RIMKLB: variants seen among roughly 807,000 people sequenced by gnomAD.
RIMKLB encodes the protein ribosomal modification protein rimK like family member B.
Under a neutral mutation model 32.0 loss-of-function variants are expected in RIMKLB, and 7 were observed. That is an observed-to-expected ratio of 0.22 (90% CI 0.12 to 0.41). RIMKLB has a LOEUF of 0.41. Ranked by LOEUF, RIMKLB falls within the 10% of genes least tolerant of loss-of-function variation. The pLI, the probability that RIMKLB is intolerant of heterozygous loss-of-function variation, is 1.00. For synonymous variants in RIMKLB, 172 were observed against 185.1 expected (o/e 0.93, Z 0.57); for missense variants, 289 against 498.7 (o/e 0.58, Z 4.00).
At position 8,774,331 on chromosome 12, in the gene RIMKLB, T is replaced by C; in HGVS notation, c.*547T>C. The stretch of plus-strand genomic sequence containing the variant: ...GGCTCTTTTACTGGGATTTCTTATT[T>C]TTTTGTTTTTTCCCGCTTAATTTGG... On this transcript the variant is annotated 3_prime_UTR_variant, in exon 6 of 6. Transcript: ENST00000535829. 3 of 985,860 alleles carry C rather than the reference T, an allele frequency of 3.0e-6. No individual in the cohort carries two copies. Among genetic ancestry groups the C allele is most frequent in the Non-Finnish European group, 3.6e-6 (3 of 830,036 alleles). 61.1% of individuals were successfully genotyped at this position (985,860 alleles called of 1,614,324 possible).
intron 5 of RIMKLB, among the ~76,000 whole-genome samples, chr12:8,756,153 CA>C (rs1233371130): frequency 0.054 from 6,181 of 114,134 alleles, 331 homozygotes; most frequent in African/African-American, 0.17. Context: ...GACTCTGCCT[CA>C]AAAAAAAAAA....
chr12:8,758,722 A>AGG (rs1210054826), intron 5 of RIMKLB, among the ~76,000 whole-genome samples: 6 of 152,304 alleles, frequency 3.9e-5, no homozygotes, highest in South Asian at 4.1e-4. Flanking sequence ...AGCATCATGA[A>AGG]GGAGATCCTG....
upstream of RIMKLB, among the ~76,000 whole-genome samples, chr12:8,695,694 CTTTT>C (rs397951288): frequency 5.3e-5 from 7 of 132,764 alleles, no homozygotes; most frequent in Non-Finnish European, 9.6e-5. Flanking sequence ...TGAATAGCAA[CTTTT>C]TTTTTTTTTT....
chr12:8,697,646 TG>T, upstream of RIMKLB: 2 of 248,218 alleles, frequency 8.1e-6, no homozygotes, highest in Non-Finnish European at 1.8e-5. Context: ...TGGGGGCGGG[TG>T]GGGAGGCGCG....
chr12:8,767,371 ACT>A (rs750629604), intron 5 of RIMKLB, among the ~76,000 whole-genome samples: 161 of 151,758 alleles, frequency 1.1e-3, no homozygotes, highest in South Asian at 5.9e-3. Flanking sequence ...CAGGGACAAG[ACT>A]CTCTGGCTTC....
chr12:8,702,414 C>G (rs1407842710), intron 1 of RIMKLB, among the ~76,000 whole-genome samples: 2 of 152,212 alleles, frequency 1.3e-5, no homozygotes, highest in Non-Finnish European at 2.9e-5. Context: ...TCAAAAGTGT[C>G]TATATCAAGT....
At chr12:8,713,624 AG>A in intron 1 of RIMKLB, 186 bp from the exon 2 acceptor site, 1 of 456,624 alleles carries the variant, frequency 2.2e-6, no homozygotes, top group Non-Finnish European at 4.0e-6. Flanking sequence ...ATTTCTGAAG[AG>A]GTGGTCAGTT....
chr12:8,782,860 A>G (rs1951178112), intron 7 of RIMKLB: 1 of 152,142 alleles, frequency 6.6e-6, no homozygotes, highest in African/African-American at 2.4e-5. Flanking sequence ...TATCCTGGTT[A>G]TAGAGACTTT....
upstream of RIMKLB, among the ~76,000 whole-genome samples, chr12:8,680,543 T>C (rs1470048213): frequency 2.0e-5 from 3 of 152,158 alleles, no homozygotes; most frequent in African/African-American, 7.2e-5. Context: ...GTCTTTGGAG[T>C]AGCCATTCTT....
chr12:8,711,669 C>T (rs761400296), intron 1 of RIMKLB, among the ~76,000 whole-genome samples: 1 of 151,700 alleles, frequency 6.6e-6, no homozygotes, highest in African/African-American at 2.4e-5. Flanking sequence ...TCCCTCCCCC[C>T]TCCCCCAAAC....
upstream of RIMKLB, among the ~76,000 whole-genome samples, chr12:8,680,988 CTT>C (rs149951264): frequency 3.9e-4 from 57 of 145,582 alleles, no homozygotes; most frequent in Non-Finnish European, 3.6e-4. Context: ...CAGGTCTGGT[CTT>C]TTTTTTTTTT....
intron 5 of RIMKLB, among the ~76,000 whole-genome samples, chr12:8,764,255 A>T (rs1949768718): frequency 6.6e-6 from 1 of 152,086 alleles, no homozygotes; most frequent in African/African-American, 2.4e-5. Context: ...CGGGACAGGA[A>T]TTCTTCGCTT....
upstream of RIMKLB, among the ~76,000 whole-genome samples, chr12:8,695,190 C>G (rs1333337671): frequency 7.5e-6 from 1 of 132,910 alleles, no homozygotes; most frequent in South Asian, 2.3e-4. Flanking sequence ...CGCACCGCCC[C>G]GCCCCCCCGC....
At chr12:8,706,765 T>G (rs1943920109) in intron 1 of RIMKLB, among the ~76,000 whole-genome samples, 1 of 152,142 alleles carries the variant, frequency 6.6e-6, no homozygotes, top group South Asian at 2.1e-4. Context: ...TTTTTTGTTT[T>G]AAAAAACATG....
the RIMKLB span, among the ~76,000 whole-genome samples, chr12:8,674,989 G>A: frequency 7.5e-3 from 1,110 of 148,982 alleles, 7 homozygotes; most frequent in African/African-American, 0.024. Flanking sequence ...TCAGCCTCCC[G>A]AGTAGCCGGG....
At chr12:8,698,545 G>A (rs1177747060) in intron 1 of RIMKLB, among the ~76,000 whole-genome samples, 1 of 152,122 alleles carries the variant, frequency 6.6e-6, no homozygotes, top group Non-Finnish European at 1.5e-5. Flanking sequence ...CCCGTGGCGT[G>A]TGCGTGCGAC....
chr12:8,757,470 C>CAAA (rs55670138), intron 5 of RIMKLB, among the ~76,000 whole-genome samples: 162 of 71,400 alleles, frequency 2.3e-3, no homozygotes, highest in African/African-American at 7.5e-3. Flanking sequence ...GACCCTGTCT[C>CAAA]AAAAAAAAAA....
At chr12:8,738,266 C>G (rs1486106306) in intron 2 of RIMKLB, among the ~76,000 whole-genome samples, 1 of 152,128 alleles carries the variant, frequency 6.6e-6, no homozygotes, top group Non-Finnish European at 1.5e-5. Context: ...TACCTTGGAA[C>G]TCCTGAGGTT....
chr12:8,764,203 C>G (rs1004701585), intron 5 of RIMKLB, among the ~76,000 whole-genome samples: 1 of 152,136 alleles, frequency 6.6e-6, no homozygotes, highest in Non-Finnish European at 1.5e-5. Context: ...TAAGGGGGTA[C>G]TTCCTTTGGC....
Sources: gnomAD v4.1 joint callset for allele counts (sites outside exome capture counted in the v4.1 genomes callset) on GRCh38, gnomAD v4.1.1 for gene constraint, MANE v1.5 for transcripts, NCBI Gene and HGNC (gene_info 2026-07-23, HGNC 2026-07-21) for gene names.